ANKRD40: variants seen among roughly 807,000 people sequenced by gnomAD.
The protein encoded by ANKRD40 is ankyrin repeat domain 40.
In ANKRD40, 24 loss-of-function variants were observed where a neutral mutation model predicts 35.5. The observed-to-expected ratio is 0.68, with a 90% CI of 0.49 to 0.95. ANKRD40 has a LOEUF of 0.95. ANKRD40 is among the 40% of genes least tolerant of loss of function. ANKRD40 has a pLI of 0.00. For missense variants in ANKRD40, 361 were observed against 436.0 expected (o/e 0.83, Z 1.53); for synonymous variants, 147 against 173.5 (o/e 0.85, Z 1.20).
chr17:50,704,842 C>T (rs556781239), intron 1 of ANKRD40, among the ~76,000 whole-genome samples: 53 of 152,122 alleles, frequency 3.5e-4, no homozygotes, highest in Non-Finnish European at 7.1e-4. Context: ...TGGCCGGGCA[C>T]GGTGGCTCAC....
chr17:50,706,875 C>A (rs1393199112), intron 1 of ANKRD40, among the ~76,000 whole-genome samples: 2 of 133,184 alleles, frequency 1.5e-5, no homozygotes, highest in African/African-American at 2.9e-5. Context: ...CTGCACTCCA[C>A]CCTGGGCGAC....
chr17:50,695,926 T>A lies in ANKRD40; in HGVS notation c.*71A>T, dbSNP rs897817833. ...CTCCCGGGCATCTGAGGCATTTAGA[T>A]CAATGGCTTGTCCTTGGCCCAGAGG... On this transcript the variant is annotated 3_prime_UTR_variant, in exon 5 of 5. Coordinates refer to ENST00000285243, the MANE Select transcript of ANKRD40 (RefSeq NM_052855.4). 1.3e-6 allele frequency: 2 copies of A among 1,572,550 alleles called. No individual in the cohort carries two copies. Among genetic ancestry groups the A allele is most frequent in the African/African-American group, 2.7e-5 (2 of 73,628 alleles).
At chr17:50,705,295 G>A (rs965383895) in intron 1 of ANKRD40, among the ~76,000 whole-genome samples, 5 of 151,994 alleles carry the variant, frequency 3.3e-5, no homozygotes, top group African/African-American at 1.2e-4. Context: ...AGGAGAACCT[G>A]CAGGAAAGAC....
Position 50,699,763 on chromosome 17 carries a change from C to A in ANKRD40, c.414G>T (p.Glu138Asp), listed in dbSNP as rs776991784. The change falls in exon 3 of 5, where the codon GAG becomes GAT. Residue 138 changes from glutamate to aspartate, a missense_variant. By Grantham distance (45) the Glu-to-Asp change is conservative. Around this residue, in one of 5 missense-constraint regions of ANKRD40, gnomAD observed 172 missense variants for 174.0 expected, o/e 0.99. Transcript: ENST00000285243. ...AFPFIYTPTA[E>D]DSAQMQNGGP... ...CCCCATTCTGCATCTGGGCTGAATC[C>A]TCTGCTGTGGGTGTATAGATAAAAG... 2 of 1,609,984 alleles carry A rather than the reference C, an allele frequency of 1.2e-6. No individual in the cohort carries two copies. The highest frequency in any genetic ancestry group is 2.7e-5 in the African/African-American group (2 of 74,960).
intron 1 of ANKRD40, among the ~76,000 whole-genome samples, chr17:50,705,628 C>T (rs371395684): frequency 4.9e-4 from 74 of 150,508 alleles, no homozygotes; most frequent in African/African-American, 1.7e-3. Context: ...GGATTACAGG[C>T]GTGAGCCACC....
chr17:50,706,903 C>CAAA (rs35024672), intron 1 of ANKRD40, among the ~76,000 whole-genome samples: 582 of 38,010 alleles, frequency 0.015, 54 homozygotes, highest in Non-Finnish European at 0.016. Context: ...GACCCTGTCT[C>CAAA]AAAAAAAAAA....
chr17:50,697,086 G>A lies in ANKRD40; in HGVS notation c.814C>T (p.Leu272Phe), dbSNP rs1968209464. The A allele has an allele frequency of 6.2e-7, 1 of 1,613,546 alleles. No homozygotes were observed. Among genetic ancestry groups the A allele is most frequent in the South Asian group, 1.1e-5 (1 of 90,954 alleles). The change falls in exon 4 of 5, where the codon CTT becomes TTT. Residue 272 changes from leucine (L) to phenylalanine (F), a missense_variant. Transcript: ENST00000285243. ...VLKVRIQNPS[L>F]RENDFIEIEL... Reference sequence around the variant, plus strand: ...ATTTCAATGAAATCATTTTCTCGAAGAGATGGGTTCTGAATTCTCACCTTG... The same window carrying A: ...ATTTCAATGAAATCATTTTCTCGAAAAGATGGGTTCTGAATTCTCACCTTG...
chr17:50,696,689 T>C, intron 4 of ANKRD40: 1 of 332,698 alleles, frequency 3.0e-6, no homozygotes, highest in Non-Finnish European at 5.3e-6. Flanking sequence ...TGTAAGACTG[T>C]AACTGGCCAA....
intron 2 of ANKRD40, 59 bp from the exon 3 acceptor site, chr17:50,699,952 G>A (rs1968250422): frequency 7.1e-7 from 1 of 1,402,264 alleles, no homozygotes; most frequent in South Asian, 1.8e-5. Flanking sequence ...AAAACAAGGT[G>A]TCTTTTGAAA....
At chr17:50,703,467 G>A (rs541294986) in intron 1 of ANKRD40, among the ~76,000 whole-genome samples, 3 of 152,196 alleles carry the variant, frequency 2.0e-5, no homozygotes, top group East Asian at 3.8e-4. Flanking sequence ...ACAGAGGTTG[G>A]AAAGGGGCAT....
intron 1 of ANKRD40, among the ~76,000 whole-genome samples, chr17:50,703,362 C>G (rs1300633901): frequency 6.6e-6 from 1 of 152,090 alleles, no homozygotes; most frequent in African/African-American, 2.4e-5. Context: ...GAAGAGGAAA[C>G]AGACATCAGC....
In ANKRD40 at chr17:50,707,630, CCTT is replaced by C. The variant is rs1445773702; in HGVS notation, c.22_24del (p.Lys8del). The C allele has an allele frequency of 6.3e-7, 1 of 1,595,846 alleles. No homozygotes were observed. Among genetic ancestry groups the C allele is most frequent in the South Asian group, 1.1e-5 (1 of 89,820 alleles). ...GCCTCCCGCAGCCTCTCCTGCTGCT[CCTT>C]CTGCTCTAGGAGGGCGTTCATCTTC... On this transcript the variant is annotated inframe_deletion, in exon 1 of 5. Coordinates refer to ENST00000285243, the MANE Select transcript of ANKRD40 (RefSeq NM_052855.4). This position sits in a 1 kb window ranked among gnomAD's most constrained non-coding sequence, Gnocchi z 4.8.
In ANKRD40 at chr17:50,707,399, A is replaced by T; in HGVS notation, c.134+122T>A. 7.1e-7 allele frequency: 1 copy of T among 1,415,704 alleles called. No homozygotes were observed. Among genetic ancestry groups the T allele is most frequent in the Non-Finnish European group, 9.5e-7 (1 of 1,054,716 alleles). 87.7% of individuals were successfully genotyped at this position (1,415,704 alleles called of 1,614,324 possible). A position where few individuals can be genotyped will look rare whatever the true frequency, so the allele number is the denominator to read the frequency against. On this transcript the variant is annotated intron_variant, in intron 1 of 4. Coordinates refer to ENST00000285243, the MANE Select transcript of ANKRD40 (RefSeq NM_052855.4). The surrounding 1 kb of genome is among the most constrained non-coding windows in gnomAD (Gnocchi z 4.8). ...TGGCCTCAAGAGAGCACAATCTCGG[A>T]GGCCCGAGGTGGCAGGCCTCGCCGT...
rs1968353489 is a variant in ANKRD40, at chr17:50,707,416, C to T, written c.134+105G>A. On this transcript the variant is annotated intron_variant, in intron 1 of 4. Coordinates refer to ENST00000285243, the MANE Select transcript of ANKRD40 (RefSeq NM_052855.4). The surrounding 1 kb of genome is among the most constrained non-coding windows in gnomAD (Gnocchi z 4.8). Reference sequence around the variant, plus strand: ...AATCTCGGAGGCCCGAGGTGGCAGGCCTCGCCGTAGCCAGGCGTCCCGCGC... The same window carrying T: ...AATCTCGGAGGCCCGAGGTGGCAGGTCTCGCCGTAGCCAGGCGTCCCGCGC... 6.7e-7 allele frequency: 1 copy of T among 1,490,214 alleles called. No individual in the cohort carries two copies. Among genetic ancestry groups the T allele is most frequent in the Admixed American group, 2.0e-5 (1 of 50,846 alleles). 92.3% of individuals were successfully genotyped at this position (1,490,214 alleles called of 1,614,324 possible).
chr17:50,707,021 AAC>A lies in ANKRD40; in HGVS notation c.134+498_134+499del, dbSNP rs905103851. Among the ~76,000 whole-genome samples, 45 of 152,234 alleles carry A rather than the reference AAC, an allele frequency of 3.0e-4. No homozygotes were observed. The highest frequency in any genetic ancestry group is 5.7e-4 in the Non-Finnish European group (39 of 68,008). On this transcript the variant is annotated intron_variant, in intron 1 of 4. Transcript: ENST00000285243. The surrounding 1 kb of genome is among the most constrained non-coding windows in gnomAD (Gnocchi z 4.8). Reference sequence around the variant, plus strand: ...AGCAGCAAATCGGTTGCAGTGAAACAACAGAGAAGCAGAATGGTGATGCAAAT... The same window carrying A: ...AGCAGCAAATCGGTTGCAGTGAAACAAGAGAAGCAGAATGGTGATGCAAAT...
chr17:50,694,241 A>G lies in ANKRD40; in HGVS notation c.*1756T>C, dbSNP rs1178837798. Reference sequence around the variant, plus strand: ...ATGCAAACACTGTACAAGGGTGAGTAAGTCACCAGCAGTAATTGGTGGGAT... The same window carrying G: ...ATGCAAACACTGTACAAGGGTGAGTGAGTCACCAGCAGTAATTGGTGGGAT... On this transcript the variant is annotated 3_prime_UTR_variant, in exon 5 of 5. Transcript: ENST00000285243. 1 of 152,148 alleles carries G rather than the reference A, an allele frequency of 6.6e-6. No individual in the cohort carries two copies. The highest frequency in any genetic ancestry group is 1.5e-5 in the Non-Finnish European group (1 of 68,022). The allele number at this position is 152,148 out of a possible 1,614,324, so 9.4% of individuals were successfully genotyped here. A position where few individuals can be genotyped will look rare whatever the true frequency, so the allele number is the denominator to read the frequency against.
intron 1 of ANKRD40, among the ~76,000 whole-genome samples, chr17:50,701,430 A>G (rs183379650): frequency 6.6e-6 from 1 of 152,358 alleles, no homozygotes; most frequent in East Asian, 1.9e-4. Context: ...TTCTTCACGA[A>G]CAGGTTCTTC....
At position 50,699,647 on chromosome 17, in the gene ANKRD40, C is replaced by A; in HGVS notation, c.530G>T (p.Arg177Leu). 1.2e-6 allele frequency: 2 copies of A among 1,614,126 alleles called. No individual in the cohort carries two copies. Among genetic ancestry groups the A allele is most frequent in the Non-Finnish European group, 1.7e-6 (2 of 1,180,036 alleles). Residue 177 changes from arginine (R) to leucine (L), a missense_variant, in exon 3 of 5, where the codon CGG becomes CTG. Physicochemically the swap from Arg to Leu is moderately radical, Grantham distance 102 (BLOSUM62 -2). This residue lies in a region of ANKRD40 where 172 missense variants were observed against 174.0 expected (regional missense o/e 0.99). Transcript: ENST00000285243. ...AACTAGTGCCAAAGAGGTGTGGTCC[C>A]GGGGAAAGGTCCCTAACAGGGGAGG... ...GEPPLLGTFP[R>L]DHTSLALVQN...
intron 1 of ANKRD40, among the ~76,000 whole-genome samples, chr17:50,705,226 T>G (rs1381563184): frequency 6.6e-6 from 1 of 152,046 alleles, no homozygotes; most frequent in East Asian, 1.9e-4. Flanking sequence ...ACAATACTCT[T>G]CTGGAACAAG....
Sources: gnomAD v4.1 joint callset for allele counts (sites outside exome capture counted in the v4.1 genomes callset) on GRCh38, gnomAD v4.1.1 for gene constraint, gnomAD v4.1.1 regional missense constraint, Gnocchi (gnomAD v3.1) non-coding constraint, MANE v1.5 for transcripts, NCBI Gene and HGNC (gene_info 2026-07-23, HGNC 2026-07-21) for gene names.